FNDC3A: variants seen among roughly 807,000 people sequenced by gnomAD.
FNDC3A encodes fibronectin type III domain containing 3A, also known as fibronectin type-III domain-containing protein 3A.
FNDC3A carries 32 observed loss-of-function variants against 148.9 expected under a neutral mutation model. The observed-to-expected ratio is 0.21, with a 90% CI of 0.16 to 0.29. FNDC3A has a LOEUF of 0.29. Among genes scored for constraint, FNDC3A ranks in the 10% least tolerant of loss-of-function variants. The pLI, the probability that FNDC3A is intolerant of heterozygous loss-of-function variation, is 1.00. For missense variants in FNDC3A, 1,191 were observed against 1,452.8 expected (o/e 0.82, Z 2.93); for synonymous variants, 472 against 473.6 (o/e 1.00, Z 0.04).
At chr13:49,049,937 CG>C (rs1214119270) in intron 2 of FNDC3A, among the ~76,000 whole-genome samples, 1 of 152,132 alleles carries the variant, frequency 6.6e-6, no homozygotes, top group Non-Finnish European at 1.5e-5. Flanking sequence ...CCAGGCTGGT[CG>C]TGAACTCCTG....
chr13:49,125,694 A>T (rs1213212346), intron 4 of FNDC3A, among the ~76,000 whole-genome samples: 2 of 152,186 alleles, frequency 1.3e-5, no homozygotes, highest in Non-Finnish European at 2.9e-5. Flanking sequence ...TAGAGCATCA[A>T]CCCATGTGCT....
intron 3 of FNDC3A, among the ~76,000 whole-genome samples, chr13:49,096,652 T>G (rs1488622476): frequency 6.6e-6 from 1 of 152,144 alleles, no homozygotes; most frequent in Non-Finnish European, 1.5e-5. Context: ...AGAGAGAGAA[T>G]TTGTTTTAAG....
chr13:49,064,791 C>G (rs1877152312), intron 2 of FNDC3A, among the ~76,000 whole-genome samples: 2 of 152,082 alleles, frequency 1.3e-5, no homozygotes, highest in Admixed American at 1.3e-4. Context: ...GTAGCTGATT[C>G]CAACTGACTA....
intron 2 of FNDC3A, among the ~76,000 whole-genome samples, chr13:49,037,152 T>G: frequency 6.6e-6 from 1 of 152,192 alleles, no homozygotes; most frequent in Non-Finnish European, 1.5e-5. Context: ...AATTGAAAGA[T>G]CTATATTGAT....
chr13:49,123,957 A>G (rs1566266130), intron 4 of FNDC3A, among the ~76,000 whole-genome samples: 1 of 152,222 alleles, frequency 6.6e-6, no homozygotes, highest in East Asian at 1.9e-4. Context: ...AGGATCTAGA[A>G]CCACAAATAC....
At chr13:49,037,610 T>A (rs1310774278) in intron 2 of FNDC3A, among the ~76,000 whole-genome samples, 1 of 152,220 alleles carries the variant, frequency 6.6e-6, no homozygotes, top group Admixed American at 6.5e-5. Flanking sequence ...GTTGAAGTCC[T>A]CACCTTCAGT....
chr13:49,176,600 C>T (rs1466442698), intron 13 of FNDC3A, among the ~76,000 whole-genome samples: 1 of 152,044 alleles, frequency 6.6e-6, no homozygotes, highest in Non-Finnish European at 1.5e-5. Context: ...CCTGCATGTT[C>T]TGCACATGTA....
intron 8 of FNDC3A, among the ~76,000 whole-genome samples, chr13:49,164,249 A>G (rs750600106): frequency 1.3e-5 from 2 of 152,176 alleles, no homozygotes; most frequent in Non-Finnish European, 2.9e-5. Flanking sequence ...CTGCTGAGAA[A>G]TCCCGTTAGT....
intron 3 of FNDC3A, among the ~76,000 whole-genome samples, chr13:49,087,508 A>T (rs1045181994): frequency 6.6e-6 from 1 of 152,128 alleles, no homozygotes; most frequent in Non-Finnish European, 1.5e-5. Flanking sequence ...CCACTTACTA[A>T]TAGTAGATAA....
intron 3 of FNDC3A, among the ~76,000 whole-genome samples, chr13:49,076,012 T>C (rs1334136230): frequency 1.3e-5 from 2 of 152,040 alleles, no homozygotes; most frequent in Admixed American, 1.3e-4. Flanking sequence ...TTATACCTAC[T>C]AGCCACTCAC....
chr13:49,115,353 G>A (rs183183516), intron 4 of FNDC3A, among the ~76,000 whole-genome samples: 30 of 152,256 alleles, frequency 2.0e-4, no homozygotes, highest in East Asian at 5.8e-4. Context: ...CTGAGATTTC[G>A]TATGGTCTGC....
chr13:49,011,627 C>T (rs1297145613), intron 2 of FNDC3A, among the ~76,000 whole-genome samples: 1 of 152,008 alleles, frequency 6.6e-6, no homozygotes, highest in African/African-American at 2.4e-5. Context: ...TTTCTTCTCT[C>T]TCTACAAAAA....
At chr13:49,057,356 A>C (rs1334122348) in intron 2 of FNDC3A, among the ~76,000 whole-genome samples, 1 of 152,222 alleles carries the variant, frequency 6.6e-6, no homozygotes, top group Non-Finnish European at 1.5e-5. Context: ...CTCACTGCTC[A>C]CTTTGGACTA....
chr13:49,046,886 C>T (rs1171036487), intron 2 of FNDC3A: 5 of 151,442 alleles, frequency 3.3e-5, no homozygotes, highest in Non-Finnish European at 5.9e-5. Flanking sequence ...TTTTGGGAAA[C>T]AGTTGGTGTT....
chr13:49,113,106 A>G (rs558311235), intron 3 of FNDC3A, among the ~76,000 whole-genome samples: 147 of 105,096 alleles, frequency 1.4e-3, no homozygotes, highest in Admixed American at 8.4e-3. Flanking sequence ...CCTCCCCCTT[A>G]CCCTTCTGTT....
intron 2 of FNDC3A, among the ~76,000 whole-genome samples, chr13:49,024,157 A>G (rs1275951185): frequency 6.6e-6 from 1 of 152,016 alleles, no homozygotes; most frequent in African/African-American, 2.4e-5. Flanking sequence ...GACACATTCA[A>G]CCAACCAAAA....
intron 3 of FNDC3A, among the ~76,000 whole-genome samples, chr13:49,101,022 T>G (rs1235765493): frequency 6.6e-6 from 1 of 152,142 alleles, no homozygotes; most frequent in Non-Finnish European, 1.5e-5. Context: ...TCTGGTGAGA[T>G]ATGCAGGTTG....
At chr13:49,073,325 T>G (rs1877831005) in intron 2 of FNDC3A, among the ~76,000 whole-genome samples, 1 of 152,046 alleles carries the variant, frequency 6.6e-6, no homozygotes, top group Non-Finnish European at 1.5e-5. Context: ...ACAGGCAAGA[T>G]GACACAAGCA....
intron 2 of FNDC3A, among the ~76,000 whole-genome samples, chr13:49,043,867 T>C (rs1363528304): frequency 6.6e-6 from 1 of 152,156 alleles, no homozygotes; most frequent in East Asian, 1.9e-4. Context: ...AAATAAATAC[T>C]GTAGAAAAAA....
Sources: allele counts gnomAD v4.1 joint callset (sites outside exome capture counted in the v4.1 genomes callset), GRCh38; gene constraint gnomAD v4.1.1; transcripts MANE v1.5; gene names NCBI Gene and HGNC (gene_info 2026-07-23, HGNC 2026-07-21).